The following SLC4A5 variants were observed in gnomAD, a reference collection of about 807,000 sequenced individuals.
SLC4A5 encodes electrogenic sodium bicarbonate cotransporter 4.
Under a neutral mutation model 120.4 loss-of-function variants are expected in SLC4A5, and 96 were observed. The observed-to-expected ratio is 0.80, with a 90% CI of 0.68 to 0.94. The LOEUF (loss-of-function observed/expected upper bound fraction) is 0.94, where lower values mean the gene tolerates loss of function less well. SLC4A5 is among the 40% of genes least tolerant of loss of function. The pLI is 0.00. For missense variants in SLC4A5, 1,259 were observed against 1,459.5 expected, an observed-to-expected ratio of 0.86 and a Z score of 2.24; for synonymous variants, 550 against 571.1, an observed-to-expected ratio of 0.96 and a Z score of 0.53.
intron 7 of SLC4A5, among the ~76,000 whole-genome samples, chr2:74,300,768 A>G (rs889373902): frequency 1.3e-5 from 2 of 152,210 alleles, no homozygotes; most frequent in African/African-American, 4.8e-5. Flanking sequence ...GAGCTCTGAC[A>G]TGATCCAGAG....
chr2:74,248,829 T>C (rs913052152), intron 17 of SLC4A5, among the ~76,000 whole-genome samples: 2 of 152,234 alleles, frequency 1.3e-5, no homozygotes, highest in Non-Finnish European at 2.9e-5. Flanking sequence ...AACATCTGTT[T>C]GGTGCTTTTA....
intron 8 of SLC4A5, among the ~76,000 whole-genome samples, chr2:74,266,489 G>A (rs1249402216): frequency 1.3e-5 from 2 of 152,070 alleles, no homozygotes; most frequent in Non-Finnish European, 2.9e-5. Flanking sequence ...GGCTGGTCTC[G>A]AACTCCTGGG....
chr2:74,219,174 G>A (rs1389530297), intron 30 of SLC4A5, among the ~76,000 whole-genome samples: 2 of 122,410 alleles, frequency 1.6e-5, no homozygotes, highest in Non-Finnish European at 3.4e-5. Flanking sequence ...TTGCTCTTTG[G>A]AGGTGTGTGT....
At chr2:74,319,296 C>G (rs571708576) in intron 5 of SLC4A5, 1 of 152,226 alleles carries the variant, frequency 6.6e-6, no homozygotes, top group African/African-American at 2.4e-5. Context: ...ACACTAAACT[C>G]AAACTTCACC....
chr2:74,343,017 C>A (rs1041328566), intron 1 of SLC4A5, among the ~76,000 whole-genome samples: 1 of 152,104 alleles, frequency 6.6e-6, no homozygotes, highest in Non-Finnish European at 1.5e-5. Context: ...GTCTGACATT[C>A]CACAGATATG....
intron 6 of SLC4A5, among the ~76,000 whole-genome samples, chr2:74,314,535 C>T (rs987781337): frequency 3.3e-5 from 5 of 152,190 alleles, no homozygotes; most frequent in Non-Finnish European, 7.4e-5. Flanking sequence ...AGGCTTTGGG[C>T]AGCTAAAGTC....
chr2:74,315,764 T>A (rs533977401), intron 5 of SLC4A5, among the ~76,000 whole-genome samples: 1 of 151,832 alleles, frequency 6.6e-6, no homozygotes, highest in Admixed American at 6.6e-5. Context: ...GCCACTGCAT[T>A]ACAGCCTGGG....
At chr2:74,321,955 T>A (rs1673110111) in intron 5 of SLC4A5, among the ~76,000 whole-genome samples, 3 of 152,060 alleles carry the variant, frequency 2.0e-5, no homozygotes, top group Admixed American at 2.0e-4. Context: ...GGAAAGCTTT[T>A]ATTTTCCTAA....
At chr2:74,297,801 G>A (rs1259062554) in intron 7 of SLC4A5, among the ~76,000 whole-genome samples, 1 of 152,092 alleles carries the variant, frequency 6.6e-6, no homozygotes, top group Non-Finnish European at 1.5e-5. Flanking sequence ...TATTCACATT[G>A]GGGGAAGGTG....
At chr2:74,265,121 G>T in exon 9 of SLC4A5, 3 of 1,613,966 alleles carry the variant, frequency 1.9e-6, no homozygotes, top group Non-Finnish European at 2.5e-6. Flanking sequence ...CTGTGGTAAG[G>T]AGCCACTGTC....
At chr2:74,219,745 TAA>T (rs1157209527) in intron 30 of SLC4A5, among the ~76,000 whole-genome samples, 5 of 152,098 alleles carry the variant, frequency 3.3e-5, no homozygotes, top group Non-Finnish European at 1.5e-5. Flanking sequence ...TAAATGAAAA[TAA>T]GATAGACTGC....
chr2:74,316,890 G>A (rs1672982334), intron 5 of SLC4A5, among the ~76,000 whole-genome samples: 1 of 152,220 alleles, frequency 6.6e-6, no homozygotes, highest in South Asian at 2.1e-4. Flanking sequence ...AGTTTACAGA[G>A]GCTGTGCACT....
intron 7 of SLC4A5, among the ~76,000 whole-genome samples, chr2:74,299,338 C>T (rs11126428): frequency 0.11 from 17,381 of 152,064 alleles, 2,075 homozygotes; most frequent in East Asian, 0.36. Flanking sequence ...GCAATAAGAG[C>T]GAAACTCCAT....
intron 26 of SLC4A5, 71 bp downstream of exon 26, chr2:74,227,739 T>C: frequency 7.2e-7 from 1 of 1,396,408 alleles, no homozygotes; most frequent in Non-Finnish European, 9.8e-7. Flanking sequence ...GAATTGGGGG[T>C]CTTGGTGACA....
chr2:74,339,195 G>T (rs1673568067), intron 2 of SLC4A5: 1 of 152,182 alleles, frequency 6.6e-6, no homozygotes, highest in South Asian at 2.1e-4. Context: ...ATAGAATGAG[G>T]ATATTCTTTA....
At chr2:74,248,252 C>T in intron 18 of SLC4A5, 101 bp downstream of exon 18, 1 of 1,476,088 alleles carries the variant, frequency 6.8e-7, no homozygotes, top group Non-Finnish European at 9.1e-7. Context: ...TTTGGCACCA[C>T]CGCACCACCA....
chr2:74,250,002 G>A (rs1362460472), intron 17 of SLC4A5, among the ~76,000 whole-genome samples: 2 of 152,134 alleles, frequency 1.3e-5, no homozygotes, highest in African/African-American at 4.8e-5. Context: ...AAAAGTGTGG[G>A]GAGAAGGCCA....
chr2:74,255,882 G>A lies in SLC4A5; in HGVS notation c.918C>T (p.Asn306=), dbSNP rs150389676. ...GGAAGTCCACCTCGCCCACGAGCAC[G>A]TTGGACGCTTCTGAGTCCTTGGGGA... The change falls in exon 13 of 31, where the codon AAC becomes AAT. Residue 306 remains asparagine, a synonymous_variant. Coordinates refer to ENST00000394019, the Ensembl canonical transcript of SLC4A5. The surrounding 1 kb of genome is among the most constrained non-coding windows in gnomAD (Gnocchi z 4.0). The A allele has an allele frequency of 6.1e-5, 98 of 1,614,082 alleles. No individual in the cohort carries two copies. The highest frequency in any genetic ancestry group is 1.6e-4 in the African/African-American group (12 of 74,922).
intron 7 of SLC4A5, among the ~76,000 whole-genome samples, chr2:74,298,954 C>G (rs1215122416): frequency 2.0e-5 from 3 of 152,144 alleles, no homozygotes; most frequent in Non-Finnish European, 4.4e-5. Context: ...CCACCCAAAT[C>G]TCATCTTGAA....
Sources: allele counts gnomAD v4.1 joint callset (sites outside exome capture counted in the v4.1 genomes callset), GRCh38; gene constraint gnomAD v4.1.1; non-coding constraint Gnocchi (gnomAD v3.1); transcripts MANE v1.5; gene names NCBI Gene and HGNC (gene_info 2026-07-23, HGNC 2026-07-21).